Variants in LRRC37A2 observed in about 807,000 individuals in gnomAD.
LRRC37A2 encodes leucine rich repeat containing 37 member A2, also known as leucine-rich repeat-containing protein 37A2.
Under a neutral mutation model 68.8 loss-of-function variants are expected in LRRC37A2, and 9 were observed. The observed-to-expected ratio is 0.13, with a 90% CI of 0.08 to 0.23. LRRC37A2 has a LOEUF of 0.23. Among genes scored for constraint, LRRC37A2 ranks in the 10% least tolerant of loss-of-function variants. The pLI, the probability that LRRC37A2 is intolerant of heterozygous loss-of-function variation, is 1.00. For missense variants in LRRC37A2, 168 were observed against 950.4 expected, an observed-to-expected ratio of 0.18 and a Z score of 10.82; for synonymous variants, 63 against 367.6, an observed-to-expected ratio of 0.17 and a Z score of 9.48.
the LRRC37A2 span, among the ~76,000 whole-genome samples, chr17:46,995,939 G>A: frequency 6.6e-6 from 1 of 152,178 alleles, no homozygotes; most frequent in East Asian, 1.9e-4. Flanking sequence ...GCCCACCTCA[G>A]TGGCTGGTCC....
chr17:46,864,155 T>TC, the LRRC37A2 span, among the ~76,000 whole-genome samples: 2 of 152,166 alleles, frequency 1.3e-5, no homozygotes, highest in African/African-American at 4.8e-5. Context: ...CAGGGTGCAT[T>TC]CAAGAACCTG....
chr17:46,939,822 A>T, the LRRC37A2 span: 18,381 of 987,926 alleles, frequency 0.019, 341 homozygotes, highest in African/African-American at 0.086. Flanking sequence ...AATACCAGGT[A>T]TATTGTGGAA....
the LRRC37A2 span, chr17:46,931,435 T>G: frequency 7.8e-5 from 44 of 561,980 alleles, no homozygotes; most frequent in Non-Finnish European, 1.2e-4. Context: ...CCTTACCTCT[T>G]TGGTGTCATT....
the LRRC37A2 span, among the ~76,000 whole-genome samples, chr17:46,456,219 T>C: frequency 1.6e-4 from 18 of 111,706 alleles, no homozygotes; most frequent in African/African-American, 5.4e-4. Context: ...TATGTGTGTG[T>C]GTGTGTGTGT....
At chr17:46,950,333 T>A in the LRRC37A2 span, among the ~76,000 whole-genome samples, 28 of 151,472 alleles carry the variant, frequency 1.8e-4, no homozygotes, top group African/African-American at 6.6e-4. Context: ...GCTGAGGAGG[T>A]GGCAGAGGCA....
the LRRC37A2 span, among the ~76,000 whole-genome samples, chr17:46,897,089 A>G: frequency 1.3e-5 from 2 of 152,328 alleles, no homozygotes; most frequent in South Asian, 4.2e-4. Context: ...TCAGAAGAGA[A>G]AGAATCTGCT....
chr17:46,941,510 T>G, the LRRC37A2 span: 2 of 667,302 alleles, frequency 3.0e-6, no homozygotes, highest in Non-Finnish European at 3.7e-6. Flanking sequence ...CTTTTTAAAA[T>G]TACATATTCC....
chr17:46,842,669 T>C, the LRRC37A2 span, among the ~76,000 whole-genome samples: 3 of 152,180 alleles, frequency 2.0e-5, no homozygotes, highest in Non-Finnish European at 2.9e-5. Context: ...CACCGTACCC[T>C]GCTTTAAACT....
At chr17:46,907,741 A>T in the LRRC37A2 span, among the ~76,000 whole-genome samples, 9 of 149,308 alleles carry the variant, frequency 6.0e-5, no homozygotes, top group African/African-American at 2.2e-4. Flanking sequence ...GGTCCCAGCT[A>T]CTCAGCGGGG....
At chr17:47,021,277 A>G in the LRRC37A2 span, among the ~76,000 whole-genome samples, 3 of 146,670 alleles carry the variant, frequency 2.0e-5, no homozygotes, top group Non-Finnish European at 3.0e-5. Context: ...ATCCATATGT[A>G]AAGTGTCCAA....
At chr17:46,800,870 A>C in the LRRC37A2 span, among the ~76,000 whole-genome samples, 2 of 152,196 alleles carry the variant, frequency 1.3e-5, no homozygotes, top group Non-Finnish European at 2.9e-5. Context: ...GGCTGCGCAG[A>C]GGAAGTGATG....
At chr17:46,782,726 T>C in the LRRC37A2 span, among the ~76,000 whole-genome samples, 1 of 152,204 alleles carries the variant, frequency 6.6e-6, no homozygotes, top group Non-Finnish European at 1.5e-5. Context: ...ATCACTGCTG[T>C]GGATGAGGGA....
the LRRC37A2 span, among the ~76,000 whole-genome samples, chr17:46,985,532 A>AAG: frequency 6.6e-6 from 1 of 152,014 alleles, no homozygotes; most frequent in Non-Finnish European, 1.5e-5. Context: ...AAAAAAAAAA[A>AAG]AAAGAAAATT....
the LRRC37A2 span, among the ~76,000 whole-genome samples, chr17:46,968,303 A>G: frequency 6.6e-6 from 1 of 152,228 alleles, no homozygotes; most frequent in East Asian, 1.9e-4. Flanking sequence ...ACACCCCTGA[A>G]CATCTCCTCC....
the LRRC37A2 span, among the ~76,000 whole-genome samples, chr17:47,026,246 GC>G: frequency 6.6e-6 from 1 of 152,260 alleles, no homozygotes; most frequent in South Asian, 2.1e-4. Flanking sequence ...AAATGGGAGG[GC>G]AAAACACAGG....
At chr17:46,752,258 A>G in the LRRC37A2 span, among the ~76,000 whole-genome samples, 1 of 152,126 alleles carries the variant, frequency 6.6e-6, no homozygotes, top group Non-Finnish European at 1.5e-5. Context: ...ATCTCCTGGC[A>G]ACTTACCTTT....
At chr17:46,851,750 G>T in the LRRC37A2 span, 1 of 1,156,900 alleles carries the variant, frequency 8.6e-7, no homozygotes, top group Non-Finnish European at 1.1e-6. The surrounding 1 kb of genome is among the most constrained non-coding windows in gnomAD (Gnocchi z 4.3). Context: ...CCGCTCCCCG[G>T]CCTGCCTGTC....
chr17:46,558,836 C>CTTTTTTTTTTTT (rs765462293), downstream of LRRC37A2: 1 of 71,838 alleles, frequency 1.4e-5, no homozygotes, highest in African/African-American at 6.6e-5. Flanking sequence ...CTCTTTTATT[C>CTTTTTTTTTTTT]TTTTTTTTTT....
the LRRC37A2 span, chr17:46,851,599 G>A: frequency 1.7e-6 from 2 of 1,176,478 alleles, no homozygotes; most frequent in East Asian, 3.4e-5. The surrounding 1 kb of genome is among the most constrained non-coding windows in gnomAD (Gnocchi z 4.3). Context: ...GAGCTTGAGC[G>A]GCGCGAGGAG....
Sources: allele counts gnomAD v4.1 joint callset (sites outside exome capture counted in the v4.1 genomes callset), GRCh38; gene constraint gnomAD v4.1.1; non-coding constraint Gnocchi (gnomAD v3.1); transcripts MANE v1.5; gene names NCBI Gene and HGNC (gene_info 2026-07-23, HGNC 2026-07-21).